The following ARHGEF38 variants were observed in gnomAD, a reference collection of about 807,000 sequenced individuals.
ARHGEF38 encodes Rho guanine nucleotide exchange factor 38.
Under a neutral mutation model 79.9 loss-of-function variants are expected in ARHGEF38, and 79 were observed. The observed-to-expected ratio is 0.99, with a 90% CI of 0.82 to 1.19. ARHGEF38 has a LOEUF of 1.19. ARHGEF38 is among the 50% of genes most tolerant of loss of function. ARHGEF38 has a pLI of 0.00. For synonymous variants in ARHGEF38, 366 were observed against 328.3 expected (o/e 1.11, Z -1.24); for missense variants, 962 against 907.2 (o/e 1.06, Z -0.78).
At chr4:105,611,720 C>A (rs947283651) in intron 2 of ARHGEF38, among the ~76,000 whole-genome samples, 1 of 151,930 alleles carries the variant, frequency 6.6e-6, no homozygotes, top group African/African-American at 2.4e-5. Context: ...AGTGAATGAT[C>A]AGTTAAGGAA....
chr4:105,582,016 T>C (rs534151949), intron 1 of ARHGEF38, among the ~76,000 whole-genome samples: 2 of 151,882 alleles, frequency 1.3e-5, no homozygotes, highest in African/African-American at 4.8e-5. Flanking sequence ...ATACAAAAAA[T>C]TGGCTGGGTG....
chr4:105,644,561 T>C (rs1310471930), intron 5 of ARHGEF38, among the ~76,000 whole-genome samples: 2 of 152,222 alleles, frequency 1.3e-5, no homozygotes, highest in Admixed American at 6.5e-5. Context: ...CATTTGAAGA[T>C]TTGTTGACTA....
intron 1 of ARHGEF38, among the ~76,000 whole-genome samples, chr4:105,584,573 C>T (rs1056324681): frequency 2.6e-5 from 4 of 152,166 alleles, no homozygotes; most frequent in Non-Finnish European, 5.9e-5. Context: ...TGAACCCAGG[C>T]AGTCTGGCTC....
Position 105,638,189 on chromosome 4 carries a change from C to T in ARHGEF38, c.674+1769C>T, listed in dbSNP as rs190453172. Among the ~76,000 whole-genome samples the T allele has an allele frequency of 3.9e-5, 6 of 152,246 alleles. No individual in the cohort carries two copies. The East Asian group carries it at 1.2e-3, about 29-fold the overall frequency. Reference sequence around the variant, plus strand: ...TTACATGGCATTCAATAATCCCTCACTTATGGCAATCAAAAATTATCCGTT... The same window carrying T: ...TTACATGGCATTCAATAATCCCTCATTTATGGCAATCAAAAATTATCCGTT... On this transcript the variant is annotated intron_variant, in intron 5 of 13. Coordinates refer to ENST00000420470, the MANE Select transcript of ARHGEF38 (RefSeq NM_001242729.2).
At chr4:105,656,093 T>C (rs974590415) in intron 9 of ARHGEF38, among the ~76,000 whole-genome samples, 7 of 152,202 alleles carry the variant, frequency 4.6e-5, no homozygotes, top group Non-Finnish European at 8.8e-5. Context: ...CTGGCTCTGT[T>C]GCCCAGGCTG....
At chr4:105,640,189 C>A (rs913716457) in intron 5 of ARHGEF38, among the ~76,000 whole-genome samples, 3 of 152,036 alleles carry the variant, frequency 2.0e-5, no homozygotes, top group Non-Finnish European at 4.4e-5. Context: ...TCCATTCCCC[C>A]TAAGTTGTTA....
In ARHGEF38 at chr4:105,678,082, C is replaced by T. The variant is rs1207089733; in HGVS notation, c.*145C>T. 8.8e-6 allele frequency: 5 copies of T among 566,488 alleles called. No individual in the cohort carries two copies. The highest frequency in any genetic ancestry group is 1.2e-5 in the Non-Finnish European group (4 of 347,326). The allele number at this position is 566,488 out of a possible 1,614,324, so 35.1% of individuals were successfully genotyped here. ...GTACTGGGTTTTCAGGAATACTGTA[C>T]TTCCTAACAGGATTATTGCATGAAT... On this transcript the variant is annotated 3_prime_UTR_variant, in exon 14 of 14. Coordinates refer to ENST00000420470, the MANE Select transcript of ARHGEF38 (RefSeq NM_001242729.2).
At chr4:105,653,883 G>A (rs1472767888) in intron 7 of ARHGEF38, among the ~76,000 whole-genome samples, 182 bp from the exon 8 acceptor site, 1 of 152,162 alleles carries the variant, frequency 6.6e-6, no homozygotes, top group Non-Finnish European at 1.5e-5. Flanking sequence ...TACACTAACT[G>A]AGCATCAGTT....
At position 105,655,609 on chromosome 4, in the gene ARHGEF38, A is replaced by G; in HGVS notation, c.1120A>G (p.Met374Val). 6.5e-7 allele frequency: 1 copy of G among 1,535,040 alleles called. No homozygotes were observed. The highest frequency in any genetic ancestry group is 8.7e-7 in the Non-Finnish European group (1 of 1,146,390). ...CTTTGTTCTTGGGTTTCAGGATGCC[A>G]TGCCCCTGGCTCTGCAGAGTGTGAT... ...SLCLQHIQDA[M>V]PLALQSVMDL... The change falls in exon 9 of 14, where the codon ATG becomes GTG. Residue 374 changes from methionine (M) to valine (V), a missense_variant. Transcript: ENST00000420470.
At position 105,631,072 on chromosome 4, in the gene ARHGEF38, C is replaced by CGAG. The variant is rs765715238; in HGVS notation, c.656+27_656+28insGAG. 15 of 1,594,498 alleles carry CGAG rather than the reference C, an allele frequency of 9.4e-6. No individual in the cohort carries two copies. In the East Asian group the frequency reaches 3.4e-4, roughly 36 times the overall value. On this transcript the variant is annotated intron_variant, in intron 4 of 13. Transcript: ENST00000420470. The stretch of plus-strand genomic sequence containing the variant: ...TAAGGCCTTTTCAAATGATGATTCC[C>CGAG]ATCTCCTCTCAGTTGCCTAGCAGGG...
At chr4:105,600,215 A>G (rs1361151259) in intron 2 of ARHGEF38, among the ~76,000 whole-genome samples, 1 of 152,216 alleles carries the variant, frequency 6.6e-6, no homozygotes, top group Non-Finnish European at 1.5e-5. Flanking sequence ...TGACTCATAA[A>G]CATATAAAAC....
intron 1 of ARHGEF38, among the ~76,000 whole-genome samples, chr4:105,556,365 A>G (rs1475216565): frequency 1.3e-5 from 2 of 152,156 alleles, no homozygotes; most frequent in African/African-American, 4.8e-5. Flanking sequence ...GAAAGATAAG[A>G]CAGGTAAACA....
At chr4:105,617,318 T>C (rs1455622347) in intron 3 of ARHGEF38, among the ~76,000 whole-genome samples, 1 of 152,186 alleles carries the variant, frequency 6.6e-6, no homozygotes, top group African/African-American at 2.4e-5. Flanking sequence ...TAAAAATCTA[T>C]AGAGCAGACG....
intron 1 of ARHGEF38, among the ~76,000 whole-genome samples, chr4:105,578,604 A>G (rs904358774): frequency 3.3e-5 from 5 of 152,122 alleles, no homozygotes; most frequent in African/African-American, 1.2e-4. Context: ...CGTGTAAGGT[A>G]CATATGAATT....
rs982005074 is a variant in ARHGEF38, at chr4:105,613,402, G to A, written c.403G>A (p.Asp135Asn). 1.4e-5 allele frequency: 22 copies of A among 1,613,092 alleles called. No homozygotes were observed. The highest frequency in any genetic ancestry group is 1.8e-5 in the Non-Finnish European group (21 of 1,179,376). Residue 135 changes from aspartate (D) to asparagine (N), a missense_variant, in exon 3 of 14, where the codon GAT becomes AAT. Coordinates refer to ENST00000420470, the MANE Select transcript of ARHGEF38 (RefSeq NM_001242729.2). ...TCTTCAGACTGATAGGCTGGATGTG[G>A]ATAGCTTGTTTAGCAACATTGAGTC... ...RNKKTDRLDV[D>N]SLFSNIESVH...
chr4:105,585,781 A>G (rs182693291), intron 1 of ARHGEF38, among the ~76,000 whole-genome samples: 113 of 113,622 alleles, frequency 9.9e-4, no homozygotes, highest in Non-Finnish European at 8.9e-4. Flanking sequence ...ACCCAGGCTG[A>G]AGTGCAATGG....
intron 5 of ARHGEF38, among the ~76,000 whole-genome samples, chr4:105,636,838 G>A (rs1560737635): frequency 6.6e-6 from 1 of 151,948 alleles, no homozygotes; most frequent in Non-Finnish European, 1.5e-5. Flanking sequence ...GAAAATATTA[G>A]ATTTCTTCTA....
At chr4:105,636,452 T>C in intron 5 of ARHGEF38, 32 bp downstream of exon 5, 1 of 389,406 alleles carries the variant, frequency 2.6e-6, no homozygotes, top group Non-Finnish European at 4.0e-6. Context: ...ATAAATCAAA[T>C]ATAAAAATCA....
chr4:105,647,924 C>T (rs1459432174), intron 6 of ARHGEF38, among the ~76,000 whole-genome samples: 1 of 138,900 alleles, frequency 7.2e-6, no homozygotes, highest in Non-Finnish European at 1.5e-5. Context: ...GAGTCTTGCT[C>T]TGTCATCCAT....
Sources: gnomAD v4.1 joint callset for allele counts (sites outside exome capture counted in the v4.1 genomes callset) on GRCh38, gnomAD v4.1.1 for gene constraint, MANE v1.5 for transcripts, NCBI Gene and HGNC (gene_info 2026-07-23, HGNC 2026-07-21) for gene names.